Variants in LAMB4 observed in about 807,000 individuals in gnomAD.
LAMB4 encodes laminin subunit beta-4.
LAMB4 carries 196 observed loss-of-function variants against 199.2 expected under a neutral mutation model. The ratio of observed to expected loss-of-function variants is 0.98; its 90% CI spans 0.88 to 1.11. The LOEUF is 1.11. Ranked by LOEUF, LAMB4 falls within the 50% of genes least tolerant of loss-of-function variation. The pLI is 0.00. For synonymous variants in LAMB4, 744 were observed against 770.6 expected (o/e 0.97, Z 0.57); for missense variants, 2,080 against 2,171.2 (o/e 0.96, Z 0.83).
At position 108,030,926 on chromosome 7, in the gene LAMB4, T is replaced by G; in HGVS notation, c.4872A>C (p.Arg1624=). 3 of 1,614,122 alleles carry G rather than the reference T, an allele frequency of 1.9e-6. No individual in the cohort carries two copies. Among genetic ancestry groups the G allele is most frequent in the Non-Finnish European group, 2.5e-6 (3 of 1,179,990 alleles). The part of the protein sequence containing the change: ...MKSELELAKQ[R]SGLEDGLSLL... The stretch of plus-strand genomic sequence containing the variant: ...GGGAAAGTCCATCCTCCAGCCCTGA[T>G]CGCTGCTTTGCTAACTCCAGCTCAC... Residue 1624 remains arginine, a synonymous_variant, in exon 32 of 34, where the codon CGA becomes CGC. Transcript: ENST00000388781.
rs141315172 is a variant in LAMB4, at chr7:108,081,726, C to T, written c.1702-1940G>A. Among the ~76,000 whole-genome samples the T allele has an allele frequency of 4.9e-3, 745 of 152,266 alleles. 6 individuals are homozygous for T. The highest frequency in any genetic ancestry group is 9.4e-3 in the Admixed American group (143 of 15,294). Reference sequence around the variant, plus strand: ...GTAATGATACAATTGCTAAAATTGTCACCTGTGGAGAAATGGGACAGAATA... The same window carrying T: ...GTAATGATACAATTGCTAAAATTGTTACCTGTGGAGAAATGGGACAGAATA... On this transcript the variant is annotated intron_variant, in intron 14 of 33. Transcript: ENST00000388781.
At chr7:108,059,373 T>C (rs1444854702) in intron 23 of LAMB4, among the ~76,000 whole-genome samples, 1 of 152,068 alleles carries the variant, frequency 6.6e-6, no homozygotes, top group East Asian at 1.9e-4. Context: ...AGTTTGCAAT[T>C]GCCTCTTTCC....
Position 108,095,261 on chromosome 7 carries a change from T to C in LAMB4, c.1437A>G (p.Ser479=), listed in dbSNP as rs762543986. ...DVDTGQCLCL[S]YVTGAHCEEC... ...CTTCGCAGTGTGCTCCGGTGACATA[T>C]GACAGGCACAAGCATTGGCCTGTAT... The change falls in exon 12 of 34, where the codon TCA becomes TCG. Residue 479 remains serine, a synonymous_variant. Transcript: ENST00000388781. 5 of 1,613,810 alleles carry C rather than the reference T, an allele frequency of 3.1e-6. No homozygotes were observed. The highest frequency in any genetic ancestry group is 1.3e-5 in the African/African-American group (1 of 74,920).
At chr7:108,027,054 G>A (rs2034863188) in intron 33 of LAMB4, 2 of 360,040 alleles carry the variant, frequency 5.6e-6, no homozygotes, top group Non-Finnish European at 1.1e-5. Flanking sequence ...GAAACAATGT[G>A]TGTATGACAT....
chr7:108,119,437 C>T (rs1210644184), intron 2 of LAMB4, among the ~76,000 whole-genome samples: 1 of 151,956 alleles, frequency 6.6e-6, no homozygotes, highest in South Asian at 2.1e-4. Context: ...ACCATGGAAC[C>T]TAGCAAAAAA....
At chr7:108,066,646 T>C (rs2036353933) in intron 19 of LAMB4, 46 bp from the exon 20 acceptor site, 4 of 1,271,616 alleles carry the variant, frequency 3.1e-6, no homozygotes, top group Non-Finnish European at 4.5e-6. Flanking sequence ...ATGAGTGGTG[T>C]GTGGTGGTGA....
chr7:108,100,059 A>C (rs2037764206), intron 10 of LAMB4, among the ~76,000 whole-genome samples: 1 of 152,204 alleles, frequency 6.6e-6, no homozygotes, highest in Non-Finnish European at 1.5e-5. Context: ...TTTGGGAGAC[A>C]CTCCAAAGAA....
At chr7:108,104,991 GA>G (rs1246232488) in intron 8 of LAMB4, among the ~76,000 whole-genome samples, 18 of 152,096 alleles carry the variant, frequency 1.2e-4, no homozygotes, top group Non-Finnish European at 2.1e-4. Flanking sequence ...TAGAGAGTTA[GA>G]AAAGGGAACG....
intron 17 of LAMB4, among the ~76,000 whole-genome samples, chr7:108,072,767 A>C (rs2036576598): frequency 6.6e-6 from 1 of 152,162 alleles, no homozygotes; most frequent in South Asian, 2.1e-4. Context: ...CTTCATAGAA[A>C]TTTGTTCAGT....
chr7:108,101,967 A>C (rs1191805866), intron 10 of LAMB4, among the ~76,000 whole-genome samples: 1 of 152,232 alleles, frequency 6.6e-6, no homozygotes, highest in Non-Finnish European at 1.5e-5. Context: ...AGTGTCGGCA[A>C]GGAAGCAGAG....
intron 4 of LAMB4, among the ~76,000 whole-genome samples, chr7:108,111,046 T>C (rs1249063513): frequency 1.3e-5 from 2 of 152,190 alleles, no homozygotes; most frequent in African/African-American, 4.8e-5. Context: ...AGCAATGTAG[T>C]GAATGAAATC....
chr7:108,087,593 G>T (rs1038193799), intron 14 of LAMB4, among the ~76,000 whole-genome samples: 3 of 152,196 alleles, frequency 2.0e-5, no homozygotes, highest in Non-Finnish European at 4.4e-5. Context: ...GGGCCGTGAG[G>T]AAGTGGCATC....
At chr7:108,067,401 T>A (rs1234331889) in intron 19 of LAMB4, among the ~76,000 whole-genome samples, 1 of 152,238 alleles carries the variant, frequency 6.6e-6, no homozygotes, top group Non-Finnish European at 1.5e-5. Context: ...GGGAACAGTA[T>A]TTTCACTAAT....
chr7:108,071,121 G>C (rs188838405), intron 17 of LAMB4, among the ~76,000 whole-genome samples: 3,519 of 146,588 alleles, frequency 0.024, 148 homozygotes, highest in African/African-American at 0.089. Context: ...ACATTTAAAT[G>C]TGCTCAAGTC....
At position 108,078,210 on chromosome 7, in the gene LAMB4, G is replaced by T. The variant is rs764574034; in HGVS notation, c.1994C>A (p.Ala665Glu). 6.2e-7 allele frequency: 1 copy of T among 1,602,190 alleles called. No individual in the cohort carries two copies. Among genetic ancestry groups the T allele is most frequent in the Non-Finnish European group, 8.5e-7 (1 of 1,171,898 alleles). ...QSKPQSFALP[A>E]ATRIMLLPTP... ...CCGGTCTGAAACATACCTCGTAGCC[G>T]CTGGTAAGGCAAAAGACTGAGGCTT... The change falls in exon 16 of 34, where the codon GCG (alanine) becomes GAG (glutamate). Residue 665 changes from alanine to glutamate, a missense_variant. Coordinates refer to ENST00000388781, the MANE Select transcript of LAMB4 (RefSeq NM_007356.3).
At chr7:108,079,532 A>G in intron 15 of LAMB4, 69 bp downstream of exon 15, 1 of 1,285,834 alleles carries the variant, frequency 7.8e-7, no homozygotes, top group Non-Finnish European at 1.1e-6. Flanking sequence ...AGCAAGGCTG[A>G]AATGGAAACA....
chr7:108,037,156 G>A (rs985546020), intron 30 of LAMB4, among the ~76,000 whole-genome samples: 6 of 151,994 alleles, frequency 3.9e-5, no homozygotes, highest in Non-Finnish European at 8.8e-5. Flanking sequence ...TCAGGCCACT[G>A]GAAAGGCATT....
intron 10 of LAMB4, among the ~76,000 whole-genome samples, chr7:108,100,313 T>G (rs1347242994): frequency 6.6e-6 from 1 of 152,230 alleles, no homozygotes; most frequent in Non-Finnish European, 1.5e-5. Context: ...AAACTTAAAA[T>G]TAGTCAACTC....
At chr7:108,098,665 A>C in intron 10 of LAMB4, 83 bp from the exon 11 acceptor site, 1 of 1,151,304 alleles carries the variant, frequency 8.7e-7, no homozygotes, top group South Asian at 1.7e-5. Flanking sequence ...TACTCATGCT[A>C]TAACTATCTT....
Sources: gnomAD v4.1 joint callset for allele counts (sites outside exome capture counted in the v4.1 genomes callset) on GRCh38, gnomAD v4.1.1 for gene constraint, MANE v1.5 for transcripts, NCBI Gene and HGNC (gene_info 2026-07-23, HGNC 2026-07-21) for gene names.